Variants in CEP85L observed in about 807,000 individuals in gnomAD.
The protein encoded by CEP85L is centrosomal protein 85L.
A neutral mutation model predicts 100.3 loss-of-function variants in CEP85L; 60 were observed. The observed-to-expected ratio is 0.60, with a 90% CI of 0.49 to 0.74. CEP85L has a LOEUF of 0.74. Among genes scored for constraint, CEP85L ranks in the 30% least tolerant of loss-of-function variants. The pLI is 0.00. For missense variants in CEP85L, 973 were observed against 936.2 expected (o/e 1.04, Z -0.51); for synonymous variants, 319 against 322.7 (o/e 0.99, Z 0.12).
At chr6:118,563,304 T>A (rs981850934) in intron 3 of CEP85L, among the ~76,000 whole-genome samples, 3 of 152,182 alleles carry the variant, frequency 2.0e-5, no homozygotes, top group Non-Finnish European at 2.9e-5. Context: ...TCAATAATTA[T>A]TCTGGACTAA....
intron 2 of CEP85L, among the ~76,000 whole-genome samples, chr6:118,574,920 T>C (rs1443906751): frequency 6.6e-6 from 1 of 151,730 alleles, no homozygotes; most frequent in Non-Finnish European, 1.5e-5. Context: ...GCGAGGGAAG[T>C]GACCAGAGAA....
At chr6:118,567,205 ATG>A (rs1779563408) in intron 2 of CEP85L, among the ~76,000 whole-genome samples, 1 of 77,234 alleles carries the variant, frequency 1.3e-5, no homozygotes, top group African/African-American at 4.8e-5. Context: ...ATGAATATAT[ATG>A]TATGTGTGTG....
At chr6:118,566,360 A>G in intron 2 of CEP85L, 44 bp from the exon 3 acceptor site, 1 of 1,475,794 alleles carries the variant, frequency 6.8e-7, no homozygotes, top group Non-Finnish European at 9.2e-7. Flanking sequence ...ATTAACAGAC[A>G]AAAGAGAATG....
chr6:118,702,544 AC>A (rs1777448934), intron 1 of CEP85L, among the ~76,000 whole-genome samples: 1 of 152,204 alleles, frequency 6.6e-6, no homozygotes, highest in Admixed American at 6.5e-5. Flanking sequence ...AATTTCAGTT[AC>A]AAACTAGTTG....
intron 4 of CEP85L, among the ~76,000 whole-genome samples, chr6:118,516,214 C>T (rs1372230226): frequency 1.3e-5 from 2 of 152,134 alleles, no homozygotes; most frequent in Non-Finnish European, 2.9e-5. Context: ...GATAAACATA[C>T]ATGTGCATCT....
At chr6:118,638,528 A>C (rs940841456) in intron 1 of CEP85L, among the ~76,000 whole-genome samples, 6 of 150,490 alleles carry the variant, frequency 4.0e-5, no homozygotes, top group Non-Finnish European at 5.9e-5. Flanking sequence ...CAGAATAGTT[A>C]CAAGACTATG....
intron 2 of CEP85L, among the ~76,000 whole-genome samples, chr6:118,629,340 CT>C (rs1773996615): frequency 6.6e-6 from 1 of 152,186 alleles, no homozygotes; most frequent in African/African-American, 2.4e-5. Flanking sequence ...AATAAGAAAA[CT>C]AACAACCCAA....
intron 1 of CEP85L, among the ~76,000 whole-genome samples, chr6:118,674,487 G>A (rs1376228052): frequency 6.6e-6 from 1 of 150,698 alleles, no homozygotes. Flanking sequence ...TTGCGCCACT[G>A]TACTCCAGCC....
chr6:118,482,050 AG>A lies in CEP85L; in HGVS notation c.1591-118del, dbSNP rs368391859. On this transcript the variant is annotated intron_variant, in intron 7 of 12. Transcript: ENST00000368491. The stretch of plus-strand genomic sequence containing the variant: ...TTGTAGCTAAAAAAAAAAAAAAAAA[AG>A]AATCACACTGTATTTTATCTAGAGT... 64 of 511,068 alleles carry A rather than the reference AG, an allele frequency of 1.3e-4. 1 individual carries two copies. The highest frequency in any genetic ancestry group is 5.7e-4 in the Admixed American group (13 of 22,678). 31.7% of individuals were successfully genotyped at this position (511,068 alleles called of 1,614,324 possible). A position where few individuals can be genotyped will look rare whatever the true frequency, so the allele number is the denominator to read the frequency against.
chr6:118,484,002 C>T lies in CEP85L; in HGVS notation c.1438-144G>A, dbSNP rs1169295698. ...CCACTAGCAACTCAATTAAGATTTA[C>T]CTTATTTCATTCTAAGATTTACACT... On this transcript the variant is annotated intron_variant, in intron 6 of 12. Transcript: ENST00000368491. The T allele has an allele frequency of 1.3e-3, 905 of 707,726 alleles. 3 individuals carry two copies. Among genetic ancestry groups the T allele is most frequent in the Non-Finnish European group, 1.7e-3 (744 of 436,400 alleles). The allele number at this position is 707,726 out of a possible 1,614,324, so 43.8% of individuals were successfully genotyped here.
chr6:118,597,504 C>T (rs1185482748), intron 2 of CEP85L, among the ~76,000 whole-genome samples: 1 of 152,072 alleles, frequency 6.6e-6, no homozygotes, highest in African/African-American at 2.4e-5. Context: ...CAACCCAATT[C>T]AAGGAAAAAG....
intron 1 of CEP85L, among the ~76,000 whole-genome samples, chr6:118,675,104 C>A (rs891485290): frequency 6.6e-6 from 1 of 151,998 alleles, no homozygotes; most frequent in Non-Finnish European, 1.5e-5. Context: ...ACACACACAC[C>A]CACACATGCA....
chr6:118,593,799 A>G (rs1287982866), intron 2 of CEP85L, among the ~76,000 whole-genome samples: 2 of 151,990 alleles, frequency 1.3e-5, no homozygotes, highest in African/African-American at 4.8e-5. Flanking sequence ...TTCAACAGCA[A>G]GTGGTCTCCT....
At chr6:118,542,923 A>AAAAAAAAAAAAAAAAAAC (rs1554216838) in intron 3 of CEP85L, among the ~76,000 whole-genome samples, 26 of 144,020 alleles carry the variant, frequency 1.8e-4, no homozygotes, top group Non-Finnish European at 3.7e-4. Context: ...AAAAAAAAAA[A>AAAAAAAAAAAAAAAAAAC]CAGGATATTC....
rs749221625 is a variant in CEP85L, at chr6:118,511,429, AT to A, written c.1140-15del. ...TGTTGCTTCTGCCTGCAAAACATAA[AT>A]TAAGGTCACATTATGAGTTATAATT... On this transcript the variant is annotated splice_polypyrimidine_tract_variant and intron_variant, in intron 4 of 12. Coordinates refer to ENST00000368491, the MANE Select transcript of CEP85L (RefSeq NM_001042475.3). 6.6e-7 allele frequency: 1 copy of A among 1,508,352 alleles called. No homozygotes were observed. Among genetic ancestry groups the A allele is most frequent in the Non-Finnish European group, 9.2e-7 (1 of 1,084,704 alleles). 93.4% of individuals were successfully genotyped at this position (1,508,352 alleles called of 1,614,324 possible).
At chr6:118,477,344 T>A (rs1478137492) in intron 10 of CEP85L, among the ~76,000 whole-genome samples, 3 of 152,166 alleles carry the variant, frequency 2.0e-5, no homozygotes, top group African/African-American at 7.2e-5. Flanking sequence ...ACAAATATAG[T>A]ATAACTAGTA....
chr6:118,630,585 G>C (rs1368923031), intron 2 of CEP85L, among the ~76,000 whole-genome samples: 2 of 152,176 alleles, frequency 1.3e-5, no homozygotes, highest in Admixed American at 6.5e-5. Context: ...TCCAGACAAT[G>C]GGATATTACT....
rs1032002993 is a variant in CEP85L, at chr6:118,462,354, A to C, written c.*3051T>G. The stretch of plus-strand genomic sequence containing the variant: ...CACTGAAAATTAATAGTTCAAATTA[A>C]GCCATTTTACTTTTCTGAGCTCAAG... On this transcript the variant is annotated 3_prime_UTR_variant, in exon 13 of 13. Transcript: ENST00000368491. 1 of 152,024 alleles carries C rather than the reference A, an allele frequency of 6.6e-6. No homozygotes were observed. The highest frequency in any genetic ancestry group is 1.5e-5 in the Non-Finnish European group (1 of 67,882). The allele number at this position is 152,024 out of a possible 1,614,324, so 9.4% of individuals were successfully genotyped here. A position where few individuals can be genotyped will look rare whatever the true frequency, so the allele number is the denominator to read the frequency against.
At chr6:118,489,968 CGT>C (rs1329717623) in intron 6 of CEP85L, among the ~76,000 whole-genome samples, 11 of 150,488 alleles carry the variant, frequency 7.3e-5, no homozygotes, top group African/African-American at 2.0e-4. Flanking sequence ...CACACACATA[CGT>C]GTGTGTATAT....
Sources: allele counts gnomAD v4.1 joint callset (sites outside exome capture counted in the v4.1 genomes callset), GRCh38; gene constraint gnomAD v4.1.1; transcripts MANE v1.5; gene names NCBI Gene and HGNC (gene_info 2026-07-23, HGNC 2026-07-21).